Variants in NLGN1 observed in about 807,000 individuals in gnomAD.
NLGN1 encodes the protein neuroligin 1.
NLGN1 carries 12 observed loss-of-function variants against 65.5 expected under a neutral mutation model. The observed-to-expected ratio is 0.18, with a 90% CI of 0.12 to 0.30. NLGN1 has a LOEUF of 0.30. Ranked by LOEUF, NLGN1 falls within the 10% of genes least tolerant of loss-of-function variation. NLGN1 has a pLI of 1.00. For missense variants in NLGN1, 750 were observed against 1,007.1 expected (o/e 0.74, Z 3.46); for synonymous variants, 350 against 359.5 (o/e 0.97, Z 0.30).
intron 2 of NLGN1, among the ~76,000 whole-genome samples, chr3:173,540,096 G>T (rs1393196603): frequency 6.6e-6 from 1 of 151,838 alleles, no homozygotes; most frequent in Non-Finnish European, 1.5e-5. Flanking sequence ...CCAGTAGCAG[G>T]CCCAGAGCTG....
chr3:173,423,265 C>T (rs1715459452), intron 1 of NLGN1, among the ~76,000 whole-genome samples: 1 of 152,166 alleles, frequency 6.6e-6, no homozygotes, highest in Non-Finnish European at 1.5e-5. Context: ...TAGGTGGAGA[C>T]ACAGAGCCAA....
intron 4 of NLGN1, among the ~76,000 whole-genome samples, chr3:174,083,153 G>A (rs1327772298): frequency 6.6e-6 from 1 of 152,056 alleles, no homozygotes; most frequent in Non-Finnish European, 1.5e-5. Context: ...GTTAGAAAAT[G>A]ACATGTATAG....
intron 4 of NLGN1, chr3:173,920,878 A>G (rs1463386270): frequency 2.0e-5 from 3 of 152,102 alleles, no homozygotes; most frequent in Non-Finnish European, 4.4e-5. Flanking sequence ...AGAACCTTGT[A>G]GCTGGCTGAT....
chr3:174,058,330 A>G (rs1179875024), intron 4 of NLGN1, among the ~76,000 whole-genome samples: 1 of 152,120 alleles, frequency 6.6e-6, no homozygotes, highest in East Asian at 1.9e-4. Flanking sequence ...TGACAAGGTA[A>G]AGCATTTATA....
At chr3:173,974,543 T>G (rs1716993005) in intron 4 of NLGN1, among the ~76,000 whole-genome samples, 1 of 152,016 alleles carries the variant, frequency 6.6e-6, no homozygotes, top group Non-Finnish European at 1.5e-5. Context: ...CTAAAATATG[T>G]TTTTTAAAAA....
intron 4 of NLGN1, among the ~76,000 whole-genome samples, chr3:174,271,178 A>G (rs1749323992): frequency 6.6e-6 from 1 of 151,864 alleles, no homozygotes; most frequent in African/African-American, 2.4e-5. Flanking sequence ...ATTAACAACT[A>G]TAAACATAGG....
intron 4 of NLGN1, among the ~76,000 whole-genome samples, chr3:173,863,115 C>T (rs1729459497): frequency 6.6e-6 from 1 of 150,786 alleles, no homozygotes; most frequent in South Asian, 2.1e-4. Flanking sequence ...TCAGAGATAG[C>T]AATGTGAGCG....
At chr3:173,473,714 A>G (rs1172413287) in intron 2 of NLGN1, among the ~76,000 whole-genome samples, 1 of 152,180 alleles carries the variant, frequency 6.6e-6, no homozygotes, top group Non-Finnish European at 1.5e-5. Context: ...TGCATTGTGC[A>G]GTAATTTCTG....
intron 2 of NLGN1, among the ~76,000 whole-genome samples, chr3:173,581,638 T>C (rs1746414755): frequency 6.6e-6 from 1 of 151,974 alleles, no homozygotes; most frequent in Admixed American, 6.6e-5. Context: ...ATTATAGAAG[T>C]AAATAAGCAC....
At chr3:173,887,794 A>G (rs1237438937) in intron 4 of NLGN1, among the ~76,000 whole-genome samples, 2 of 152,004 alleles carry the variant, frequency 1.3e-5, no homozygotes, top group Non-Finnish European at 2.9e-5. Flanking sequence ...CATTATTTTA[A>G]TAACTGGTTT....
intron 2 of NLGN1, among the ~76,000 whole-genome samples, chr3:173,478,333 A>C (rs1477185234): frequency 2.0e-5 from 3 of 152,110 alleles, no homozygotes; most frequent in Non-Finnish European, 4.4e-5. Context: ...GTTCTCCCTT[A>C]TAAGTAGGGG....
chr3:173,648,596 AC>A (rs1163355509), intron 3 of NLGN1, among the ~76,000 whole-genome samples: 33 of 151,740 alleles, frequency 2.2e-4, no homozygotes, highest in African/African-American at 6.5e-4. Context: ...TTTTTTTTAG[AC>A]AAAGTCTCAC....
intron 4 of NLGN1, among the ~76,000 whole-genome samples, chr3:174,187,584 G>C (rs1414371523): frequency 6.6e-6 from 1 of 152,004 alleles, no homozygotes; most frequent in Non-Finnish European, 1.5e-5. Flanking sequence ...TTTAGACATA[G>C]AAAATGCAAA....
At chr3:174,196,334 A>G (rs962850234) in intron 4 of NLGN1, among the ~76,000 whole-genome samples, 2 of 152,120 alleles carry the variant, frequency 1.3e-5, no homozygotes, top group Non-Finnish European at 2.9e-5. Context: ...CGCTGCATTG[A>G]TAGTCTGAAG....
At chr3:173,600,891 G>A (rs1750419208) in intron 2 of NLGN1, among the ~76,000 whole-genome samples, 1 of 151,896 alleles carries the variant, frequency 6.6e-6, no homozygotes, top group Admixed American at 6.6e-5. Context: ...GCCACCCACT[G>A]TAGTTATCTA....
intron 2 of NLGN1, among the ~76,000 whole-genome samples, chr3:173,592,131 C>A (rs1241454650): frequency 6.6e-6 from 1 of 152,084 alleles, no homozygotes; most frequent in African/African-American, 2.4e-5. Flanking sequence ...CTTCACCTCC[C>A]TGTTCATTTG....
intron 3 of NLGN1, among the ~76,000 whole-genome samples, chr3:173,767,073 G>A (rs986635): frequency 0.58 from 88,242 of 151,930 alleles, 26,868 homozygotes; most frequent in Non-Finnish European, 0.68. Flanking sequence ...TAAAGCTTCA[G>A]CTATAAGTAG....
chr3:174,152,062 T>C, intron 4 of NLGN1, among the ~76,000 whole-genome samples: 1 of 152,104 alleles, frequency 6.6e-6, no homozygotes, highest in South Asian at 2.1e-4. Flanking sequence ...AGGCCTTACA[T>C]TCAAAAGTTT....
intron 4 of NLGN1, among the ~76,000 whole-genome samples, chr3:174,165,848 G>T (rs1330950446): frequency 3.3e-5 from 5 of 151,894 alleles, no homozygotes; most frequent in African/African-American, 9.7e-5. Context: ...TTCTTAGTTG[G>T]CAGGTTTTTA....
Sources: allele counts gnomAD v4.1 joint callset (sites outside exome capture counted in the v4.1 genomes callset), GRCh38; gene constraint gnomAD v4.1.1; transcripts MANE v1.5; gene names NCBI Gene and HGNC (gene_info 2026-07-23, HGNC 2026-07-21).